TPST1: variants seen among roughly 807,000 people sequenced by gnomAD.
TPST1 encodes tyrosylprotein sulfotransferase 1, also known as protein-tyrosine sulfotransferase 1.
A neutral mutation model predicts 34.8 loss-of-function variants in TPST1; 20 were observed. The ratio of observed to expected loss-of-function variants is 0.57; its 90% CI spans 0.40 to 0.84. The LOEUF (loss-of-function observed/expected upper bound fraction) is 0.84. Among genes scored for constraint, TPST1 ranks in the 40% least tolerant of loss-of-function variants. The pLI, the probability that TPST1 is intolerant of heterozygous loss-of-function variation, is 0.00. For synonymous variants in TPST1, 152 were observed against 159.4 expected (o/e 0.95, Z 0.35); for missense variants, 353 against 455.5 (o/e 0.78, Z 2.05).
chr7:66,329,765 C>T (rs1446858324), intron 3 of TPST1, among the ~76,000 whole-genome samples: 1 of 152,152 alleles, frequency 6.6e-6, no homozygotes, highest in Non-Finnish European at 1.5e-5. Flanking sequence ...ATTGCACAGC[C>T]ATAACAAAGA....
rs568375737 is a variant in TPST1 at position 66,338,361 on chromosome 7, A to G, written c.1045-14144A>G. On this transcript the variant is annotated intron_variant, in intron 3 of 5. Transcript: ENST00000304842. ...CAAATATTAATAGACCTAAAGAGAG[A>G]GATAGACTGCAATACAGTAATACTA... Among the ~76,000 whole-genome samples, 6 of 152,322 alleles carry G rather than the reference A, an allele frequency of 3.9e-5. No homozygotes were observed. In the East Asian group the frequency reaches 9.6e-4, roughly 24 times the overall value.
At chr7:66,254,534 G>A (rs1157861673) in intron 2 of TPST1, among the ~76,000 whole-genome samples, 3 of 151,944 alleles carry the variant, frequency 2.0e-5, no homozygotes, top group Non-Finnish European at 4.4e-5. Flanking sequence ...CTCCCGAGTC[G>A]CTGGGATTGC....
intron 2 of TPST1, among the ~76,000 whole-genome samples, chr7:66,278,889 A>G (rs1790876198): frequency 6.6e-6 from 1 of 152,226 alleles, no homozygotes; most frequent in African/African-American, 2.4e-5. Flanking sequence ...ACATTCTGAT[A>G]TGATTCTAAA....
intron 1 of TPST1, among the ~76,000 whole-genome samples, chr7:66,213,620 T>G (rs1338069033): frequency 6.6e-6 from 1 of 151,866 alleles, no homozygotes; most frequent in Non-Finnish European, 1.5e-5. Context: ...CCAGGCTTGG[T>G]GGCGGGTGCC....
intron 2 of TPST1, among the ~76,000 whole-genome samples, chr7:66,281,106 T>C (rs1790925112): frequency 6.6e-6 from 1 of 152,208 alleles, no homozygotes; most frequent in Non-Finnish European, 1.5e-5. Flanking sequence ...TTGTCTTTAG[T>C]TCTGTTTATG....
chr7:66,294,404 C>A (rs1791149851), intron 3 of TPST1, among the ~76,000 whole-genome samples: 1 of 152,038 alleles, frequency 6.6e-6, no homozygotes, highest in Admixed American at 6.5e-5. Context: ...CTTTTGATAA[C>A]TTTAATTGAC....
intron 4 of TPST1, among the ~76,000 whole-genome samples, chr7:66,353,835 G>A (rs1392914345): frequency 1.3e-5 from 2 of 152,198 alleles, no homozygotes; most frequent in Non-Finnish European, 2.9e-5. Context: ...AGAGACTTGT[G>A]TGAAGTCCAG....
At chr7:66,286,379 T>G (rs1791033785) in intron 2 of TPST1, 132 bp from the exon 3 acceptor site, 1 of 624,564 alleles carries the variant, frequency 1.6e-6, no homozygotes, top group Non-Finnish European at 2.4e-6. Flanking sequence ...CAAACCTGAT[T>G]AGTGCCCTCT....
intron 3 of TPST1, among the ~76,000 whole-genome samples, chr7:66,318,530 G>T (rs1199386936): frequency 6.6e-6 from 1 of 151,094 alleles, no homozygotes; most frequent in Non-Finnish European, 1.5e-5. Context: ...GCAGTGGCAC[G>T]ATCTCAGCTC....
chr7:66,199,576 G>C, the TPST1 span, among the ~76,000 whole-genome samples: 1 of 151,926 alleles, frequency 6.6e-6, no homozygotes, highest in Non-Finnish European at 1.5e-5. Flanking sequence ...TTACAGTCGT[G>C]AGCCACTGCA....
intron 3 of TPST1, among the ~76,000 whole-genome samples, chr7:66,296,130 T>G (rs886157568): frequency 1.3e-5 from 2 of 152,034 alleles, no homozygotes; most frequent in Admixed American, 1.3e-4. Flanking sequence ...TCTTGAGTGG[T>G]GGGTTGGGAA....
At chr7:66,313,815 T>A (rs1326625621) in intron 3 of TPST1, among the ~76,000 whole-genome samples, 1 of 152,186 alleles carries the variant, frequency 6.6e-6, no homozygotes, top group East Asian at 1.9e-4. Flanking sequence ...TATAAAATAT[T>A]TCAATGTTGT....
intron 1 of TPST1, among the ~76,000 whole-genome samples, chr7:66,224,135 T>C (rs1166559844): frequency 6.6e-6 from 1 of 152,180 alleles, no homozygotes; most frequent in African/African-American, 2.4e-5. Flanking sequence ...GGTGTTCCCA[T>C]GTTGATGCTC....
At chr7:66,258,677 C>A (rs184916318) in intron 2 of TPST1, among the ~76,000 whole-genome samples, 37 of 152,274 alleles carry the variant, frequency 2.4e-4, no homozygotes, top group African/African-American at 8.7e-4. Flanking sequence ...TAGCTGCCTG[C>A]GATGCGTTTC....
intron 1 of TPST1, among the ~76,000 whole-genome samples, chr7:66,227,729 AT>A (rs34385620): frequency 2.0e-4 from 30 of 147,764 alleles, no homozygotes; most frequent in East Asian, 5.9e-4. Flanking sequence ...GAGCCAACAG[AT>A]TTTTTTTTTT....
intron 5 of TPST1, among the ~76,000 whole-genome samples, chr7:66,357,856 T>C (rs990590679): frequency 1.3e-5 from 2 of 151,946 alleles, no homozygotes; most frequent in Non-Finnish European, 1.5e-5. Context: ...GAGGCCAAGG[T>C]GGGCAGATCA....
chr7:66,219,223 T>G (rs1027216812), intron 1 of TPST1, among the ~76,000 whole-genome samples: 6 of 152,054 alleles, frequency 3.9e-5, no homozygotes, highest in African/African-American at 1.4e-4. Context: ...GATCAAATAT[T>G]TGATGCCCAG....
intron 3 of TPST1, among the ~76,000 whole-genome samples, chr7:66,331,941 G>C (rs1350750369): frequency 6.6e-6 from 1 of 152,146 alleles, no homozygotes; most frequent in Admixed American, 6.6e-5. Flanking sequence ...TCTAATGCCT[G>C]ATGATCTTTC....
chr7:66,341,494 T>G (rs1792236947), intron 3 of TPST1, among the ~76,000 whole-genome samples: 1 of 152,200 alleles, frequency 6.6e-6, no homozygotes, highest in Non-Finnish European at 1.5e-5. Context: ...TTGGTCAGGC[T>G]GGTCTTGAAC....
Sources: gnomAD v4.1 joint callset for allele counts (sites outside exome capture counted in the v4.1 genomes callset) on GRCh38, gnomAD v4.1.1 for gene constraint, MANE v1.5 for transcripts, NCBI Gene and HGNC (gene_info 2026-07-23, HGNC 2026-07-21) for gene names.